Variants in KLHDC10 observed in about 807,000 individuals in gnomAD.
KLHDC10 encodes kelch domain containing 10.
In KLHDC10, 24 loss-of-function variants were observed where a neutral mutation model predicts 56.1. The ratio of observed to expected loss-of-function variants is 0.43; its 90% CI spans 0.31 to 0.60. The LOEUF (loss-of-function observed/expected upper bound fraction) is 0.60. KLHDC10 is among the 20% of genes least tolerant of loss of function. KLHDC10 has a pLI of 0.11. For missense variants in KLHDC10, 349 were observed against 567.0 expected (o/e 0.62, Z 3.91); for synonymous variants, 188 against 207.1 (o/e 0.91, Z 0.79).
chr7:130,089,240 T>C (rs994240895), intron 1 of KLHDC10, among the ~76,000 whole-genome samples: 3 of 152,160 alleles, frequency 2.0e-5, no homozygotes, highest in Admixed American at 2.0e-4. Context: ...ATGTCTGTAA[T>C]CTCAGGAGTT....
At chr7:130,117,277 GGGT>G (rs1796180902) in intron 3 of KLHDC10, among the ~76,000 whole-genome samples, 1 of 152,200 alleles carries the variant, frequency 6.6e-6, no homozygotes, top group Non-Finnish European at 1.5e-5. Context: ...TGACTTATCA[GGGT>G]GGTGGTTGCT....
rs1208638445 is a variant in KLHDC10, at chr7:130,120,698, C to A, written c.476-51C>A. 1 of 1,601,660 alleles carries A rather than the reference C, an allele frequency of 6.2e-7. No individual in the cohort carries two copies. Among genetic ancestry groups the A allele is most frequent in the Non-Finnish European group, 8.5e-7 (1 of 1,171,902 alleles). On this transcript the variant is annotated intron_variant, in intron 3 of 9. Transcript: ENST00000335420. This position sits in a 1 kb window ranked among gnomAD's most constrained non-coding sequence, Gnocchi z 5.1. The stretch of plus-strand genomic sequence containing the variant: ...CAGATATTCTGGGTTTATGTGGGAA[C>A]AAATTGCAGGTAGCCATTTGTGAAC...
At chr7:130,091,610 C>T (rs756826050) in intron 1 of KLHDC10, among the ~76,000 whole-genome samples, 11 of 152,164 alleles carry the variant, frequency 7.2e-5, no homozygotes, top group Non-Finnish European at 1.5e-4. Flanking sequence ...CTATATCCTT[C>T]ATCTGAATAA....
intron 3 of KLHDC10, among the ~76,000 whole-genome samples, chr7:130,118,798 G>A (rs1360667002): frequency 6.6e-6 from 1 of 152,144 alleles, no homozygotes; most frequent in South Asian, 2.1e-4. Context: ...TGAGGAGAGG[G>A]AAAAAGATGA....
rs1406409153 is a variant in KLHDC10 at position 130,132,775 on chromosome 7, G to C, written c.*2029G>C. 1 of 152,212 alleles carries C rather than the reference G, an allele frequency of 6.6e-6. No individual in the cohort carries two copies. The highest frequency in any genetic ancestry group is 1.5e-5 in the Non-Finnish European group (1 of 68,052). 9.4% of individuals were successfully genotyped at this position (152,212 alleles called of 1,614,324 possible). ...ACTTCAGCCTGGCCTCTGGATATTT[G>C]GTGGAAATATATTCTAAATTGAACA... On this transcript the variant is annotated 3_prime_UTR_variant, in exon 10 of 10. Transcript: ENST00000335420.
intron 2 of KLHDC10, among the ~76,000 whole-genome samples, chr7:130,104,583 T>C (rs924344206): frequency 5.3e-5 from 8 of 152,186 alleles, no homozygotes; most frequent in Admixed American, 4.6e-4. Context: ...AATAAATACC[T>C]GAGACTGGGT....
At position 130,135,091 on chromosome 7, in the gene KLHDC10, G is replaced by GAAAAAAA. The variant is rs10707873; in HGVS notation, c.*4360_*4366dup. The GAAAAAAA allele has an allele frequency of 1.6e-5, 2 of 127,870 alleles. No homozygotes were observed. Among genetic ancestry groups the GAAAAAAA allele is most frequent in the African/African-American group, 3.4e-5 (1 of 28,992 alleles). 7.9% of individuals were successfully genotyped at this position (127,870 alleles called of 1,614,324 possible). On this transcript the variant is annotated 3_prime_UTR_variant, in exon 10 of 10. Coordinates refer to ENST00000335420, the MANE Select transcript of KLHDC10 (RefSeq NM_014997.4). ...GGTGTAATTTTCATGTTTTTAATTT[G>GAAAAAAA]AAAAAAAAAAAAAAAAAAAAACAAC...
intron 2 of KLHDC10, among the ~76,000 whole-genome samples, chr7:130,104,932 G>C (rs534850686): frequency 7.2e-5 from 11 of 152,146 alleles, no homozygotes; most frequent in African/African-American, 2.7e-4. Context: ...ATTTGGGCGG[G>C]GACACAGATC....
intron 1 of KLHDC10, among the ~76,000 whole-genome samples, chr7:130,077,022 T>G (rs1563095527): frequency 6.6e-6 from 1 of 151,910 alleles, no homozygotes; most frequent in Non-Finnish European, 1.5e-5. Context: ...CGTTTTGAGG[T>G]TCAAAAACAG....
chr7:130,108,928 T>A (rs1796060613), intron 2 of KLHDC10, among the ~76,000 whole-genome samples: 1 of 152,154 alleles, frequency 6.6e-6, no homozygotes, highest in African/African-American at 2.4e-5. Context: ...TCTCTCTCTT[T>A]TTTTGAGACA....
intron 7 of KLHDC10, 46 bp downstream of exon 7, chr7:130,125,977 A>G (rs1451971686): frequency 1.5e-6 from 2 of 1,327,436 alleles, no homozygotes; most frequent in African/African-American, 1.5e-5. Context: ...AACATGTATT[A>G]TACTTTTACT....
chr7:130,107,117 TAAG>T (rs536431198), intron 2 of KLHDC10, among the ~76,000 whole-genome samples: 157 of 152,286 alleles, frequency 1.0e-3, no homozygotes, highest in African/African-American at 3.7e-3. Flanking sequence ...CATTTATTGA[TAAG>T]AAACCAATAG....
intron 2 of KLHDC10, among the ~76,000 whole-genome samples, chr7:130,113,427 G>A (rs1248277707): frequency 1.3e-5 from 2 of 151,794 alleles, no homozygotes; most frequent in Non-Finnish European, 2.9e-5. Flanking sequence ...CCACCTCCCA[G>A]GTTCAAGCAA....
intron 5 of KLHDC10, 56 bp downstream of exon 5, chr7:130,122,258 TC>T (rs1796257786): frequency 2.1e-5 from 32 of 1,556,128 alleles, no homozygotes; most frequent in Non-Finnish European, 2.6e-5. Context: ...TTGACCTCTT[TC>T]AGAGTGTTGG....
In KLHDC10 at chr7:130,070,747, G is replaced by A; in HGVS notation, c.104G>A (p.Gly35Glu). 1.5e-6 allele frequency: 2 copies of A among 1,299,436 alleles called. No homozygotes were observed. Among genetic ancestry groups the A allele is most frequent in the South Asian group, 2.5e-5 (1 of 39,668 alleles). The allele number at this position is 1,299,436 out of a possible 1,614,324, so 80.5% of individuals were successfully genotyped here. Residue 35 changes from glycine (G) to glutamate (E), a missense_variant, in exon 1 of 10, where the codon GGG becomes GAG. Around this residue, in one of 2 missense-constraint regions of KLHDC10, gnomAD observed 104 missense variants for 97.0 expected, o/e 1.07. Transcript: ENST00000335420. ...SGAGGGSGGSGGRGTGQLNRF... is the reference protein window; with the variant it reads ...SGAGGGSGGSEGRGTGQLNRF... ...GCCGGCGGGGGCAGTGGGGGCAGCGGGGGTCGGGGGACTGGCCAGCTCAAC... is the reference window on the plus strand; with the variant it reads ...GCCGGCGGGGGCAGTGGGGGCAGCGAGGGTCGGGGGACTGGCCAGCTCAAC...
At chr7:130,091,863 A>G (rs1296759846) in intron 1 of KLHDC10, among the ~76,000 whole-genome samples, 4 of 152,196 alleles carry the variant, frequency 2.6e-5, no homozygotes, top group Non-Finnish European at 5.9e-5. Context: ...ATCTTTGAGT[A>G]ATTATTTCAT....
At chr7:130,114,489 A>C (rs1020987707) in intron 2 of KLHDC10, among the ~76,000 whole-genome samples, 44 of 152,218 alleles carry the variant, frequency 2.9e-4, no homozygotes, top group African/African-American at 1.0e-3. Context: ...GACTAAATGA[A>C]GGTCAGTGAC....
chr7:130,077,705 G>C (rs183061609), intron 1 of KLHDC10, among the ~76,000 whole-genome samples: 1 of 151,574 alleles, frequency 6.6e-6, no homozygotes, highest in Non-Finnish European at 1.5e-5. Context: ...ACAGGCACCT[G>C]CTACCACGCC....
intron 1 of KLHDC10, among the ~76,000 whole-genome samples, chr7:130,093,239 CTG>C (rs1294148849): frequency 1.3e-5 from 2 of 152,128 alleles, no homozygotes; most frequent in Non-Finnish European, 2.9e-5. Flanking sequence ...GAGTCTTACT[CTG>C]TCGCCCAGGC....
Sources: allele counts gnomAD v4.1 joint callset (sites outside exome capture counted in the v4.1 genomes callset), GRCh38; gene constraint gnomAD v4.1.1; regional missense constraint gnomAD v4.1.1; non-coding constraint Gnocchi (gnomAD v3.1); transcripts MANE v1.5; gene names NCBI Gene and HGNC (gene_info 2026-07-23, HGNC 2026-07-21).